Variants in RALGPS2 observed in about 807,000 individuals in gnomAD.
RALGPS2 encodes ras-specific guanine nucleotide-releasing factor RalGPS2.
Under a neutral mutation model 86.8 loss-of-function variants are expected in RALGPS2, and 43 were observed. The ratio of observed to expected loss-of-function variants is 0.50; its 90% confidence interval spans 0.39 to 0.64. The LOEUF (loss-of-function observed/expected upper bound fraction) is 0.64, where lower values mean the gene tolerates loss of function less well. Ranked by LOEUF, RALGPS2 falls within the 30% of genes least tolerant of loss-of-function variation. The pLI, the probability that RALGPS2 is intolerant of heterozygous loss-of-function variation, is 0.00. For missense variants in RALGPS2, 536 were observed against 694.6 expected (o/e 0.77, Z 2.57); for synonymous variants, 243 against 231.3 (o/e 1.05, Z -0.46).
At chr1:178,740,903 C>T (rs1291520360) in intron 1 of RALGPS2, among the ~76,000 whole-genome samples, 3 of 152,146 alleles carry the variant, frequency 2.0e-5, no homozygotes, top group Non-Finnish European at 4.4e-5. Flanking sequence ...TCTCATTTCT[C>T]ATCTGTAAAA....
intron 8 of RALGPS2, among the ~76,000 whole-genome samples, chr1:178,846,895 T>C (rs931301815): frequency 5.9e-5 from 9 of 152,230 alleles, no homozygotes; most frequent in African/African-American, 2.2e-4. Context: ...CTGTACTTTA[T>C]ATAGATTATC....
chr1:178,889,706 A>G lies in RALGPS2; in HGVS notation c.1247+10A>G, dbSNP rs1262782478. 6.3e-7 allele frequency: 1 copy of G among 1,596,472 alleles called. No individual in the cohort carries two copies. Among genetic ancestry groups the G allele is most frequent in the Admixed American group, 1.7e-5 (1 of 58,580 alleles). ...GGCCTGCTTTTGAAAGGTAAGATAA[A>G]TTGTCCATTTGAACTACTTGGAGTT... On this transcript the variant is annotated intron_variant, in intron 14 of 19. Coordinates refer to ENST00000367635, the MANE Select transcript of RALGPS2 (RefSeq NM_152663.5).
chr1:178,788,118 T>G, intron 4 of RALGPS2, among the ~76,000 whole-genome samples: 1 of 152,218 alleles, frequency 6.6e-6, no homozygotes, highest in East Asian at 1.9e-4. Context: ...CCACTGAGCC[T>G]GTGCACATCC....
At chr1:178,729,016 A>C (rs2773081) in intron 1 of RALGPS2, among the ~76,000 whole-genome samples, 25 of 152,238 alleles carry the variant, frequency 1.6e-4, no homozygotes, top group Non-Finnish European at 3.1e-4. Flanking sequence ...AGCTTGAGGA[A>C]GCTTGGCCGT....
At chr1:178,836,753 C>A (rs1388678852) in intron 8 of RALGPS2, among the ~76,000 whole-genome samples, 2 of 152,070 alleles carry the variant, frequency 1.3e-5, no homozygotes, top group Non-Finnish European at 2.9e-5. Flanking sequence ...TGAGAGGTCT[C>A]AGTCCACTTC....
chr1:178,833,650 T>C (rs772401932), intron 8 of RALGPS2, 100 bp downstream of exon 8: 2 of 1,449,354 alleles, frequency 1.4e-6, no homozygotes, highest in Non-Finnish European at 1.8e-6. Context: ...TTTGTATCTT[T>C]TAAATAAATT....
At chr1:178,730,313 A>G (rs902180286) in intron 1 of RALGPS2, among the ~76,000 whole-genome samples, 9 of 152,104 alleles carry the variant, frequency 5.9e-5, no homozygotes, top group South Asian at 4.1e-4. Context: ...AGATGAGTCT[A>G]TGCTTTAGGA....
chr1:178,823,776 G>A (rs761787485), intron 7 of RALGPS2, among the ~76,000 whole-genome samples: 4 of 152,144 alleles, frequency 2.6e-5, no homozygotes, highest in Non-Finnish European at 5.9e-5. Flanking sequence ...ATTGTGGGCT[G>A]GGGTTCTATT....
intron 8 of RALGPS2, among the ~76,000 whole-genome samples, chr1:178,854,255 A>C (rs1424354902): frequency 6.6e-6 from 1 of 152,156 alleles, no homozygotes; most frequent in Non-Finnish European, 1.5e-5. Flanking sequence ...GATCTACTGG[A>C]TCAGAGGATA....
At chr1:178,851,396 C>A in intron 8 of RALGPS2, 1 of 1,303,534 alleles carries the variant, frequency 7.7e-7, no homozygotes, top group Non-Finnish European at 1.0e-6. Context: ...ACTTATTCTA[C>A]CTTTAATTTG....
intron 8 of RALGPS2, chr1:178,865,905 AT>A: frequency 1.5e-6 from 1 of 667,660 alleles, no homozygotes; most frequent in Non-Finnish European, 2.5e-6. Context: ...AAAACTGAAT[AT>A]TTATTGGTGT....
intron 4 of RALGPS2, among the ~76,000 whole-genome samples, chr1:178,798,796 C>T (rs1224117328): frequency 6.6e-6 from 1 of 151,988 alleles, no homozygotes; most frequent in Non-Finnish European, 1.5e-5. Flanking sequence ...TACCCATAGC[C>T]TCAAATATTA....
At chr1:178,735,301 C>T (rs1650610851) in intron 1 of RALGPS2, among the ~76,000 whole-genome samples, 1 of 151,898 alleles carries the variant, frequency 6.6e-6, no homozygotes, top group African/African-American at 2.4e-5. Flanking sequence ...AAGTTTAGGG[C>T]AAGGTCAAAC....
At chr1:178,848,321 A>G (rs1485420210) in intron 8 of RALGPS2, among the ~76,000 whole-genome samples, 2 of 152,116 alleles carry the variant, frequency 1.3e-5, no homozygotes, top group South Asian at 2.1e-4. Context: ...AAAAAAAACA[A>G]AAAGAAAAAT....
chr1:178,895,617 G>C (rs181530438), intron 16 of RALGPS2, among the ~76,000 whole-genome samples: 1 of 152,026 alleles, frequency 6.6e-6, no homozygotes, highest in African/African-American at 2.4e-5. Flanking sequence ...TGTAGTTTAC[G>C]CATTGAAATT....
intron 1 of RALGPS2, among the ~76,000 whole-genome samples, chr1:178,754,082 A>G (rs957645612): frequency 7.4e-4 from 113 of 151,816 alleles, no homozygotes; most frequent in Middle Eastern, 3.4e-3. Context: ...TCGGCCTCCC[A>G]AAGTGCTGGG....
At chr1:178,791,287 A>ATTTAT (rs753405084) in intron 4 of RALGPS2, among the ~76,000 whole-genome samples, 17 of 128,296 alleles carry the variant, frequency 1.3e-4, no homozygotes, top group African/African-American at 3.5e-4. Flanking sequence ...CACCTGCCTA[A>ATTTAT]TTTTTTTTTT....
intron 1 of RALGPS2, among the ~76,000 whole-genome samples, chr1:178,768,158 C>G (rs1046814557): frequency 6.6e-6 from 1 of 152,094 alleles, no homozygotes; most frequent in Admixed American, 6.6e-5. Flanking sequence ...TTTGTCGGTG[C>G]TTTGAATTCT....
At chr1:178,825,580 A>G (rs1057157969) in intron 7 of RALGPS2, among the ~76,000 whole-genome samples, 2 of 152,200 alleles carry the variant, frequency 1.3e-5, no homozygotes, top group Non-Finnish European at 2.9e-5. Flanking sequence ...TTTTTCTCCA[A>G]CTACAAAAAT....
Sources: gnomAD v4.1 joint callset for allele counts (sites outside exome capture counted in the v4.1 genomes callset) on GRCh38, gnomAD v4.1.1 for gene constraint, MANE v1.5 for transcripts, NCBI Gene and HGNC (gene_info 2026-07-23, HGNC 2026-07-21) for gene names.